ADAM18: variants seen among roughly 807,000 people sequenced by gnomAD.
ADAM18 encodes ADAM metallopeptidase domain 18.
A neutral mutation model predicts 94.4 loss-of-function variants in ADAM18; 117 were observed. The ratio of observed to expected loss-of-function variants is 1.24; its 90% confidence interval spans 1.07 to 1.45. The LOEUF (loss-of-function observed/expected upper bound fraction) is 1.45. ADAM18 is among the 40% of genes most tolerant of loss of function. The probability of loss-of-function intolerance (pLI) is 0.00; values close to 1 mark genes in which losing one functional copy is unlikely to be tolerated. For synonymous variants in ADAM18, 327 were observed against 291.6 expected (o/e 1.12, Z -1.24); for missense variants, 936 against 880.0 (o/e 1.06, Z -0.81).
chr8:39,631,423 T>C (rs1819927953), intron 7 of ADAM18, among the ~76,000 whole-genome samples: 1 of 151,976 alleles, frequency 6.6e-6, no homozygotes, highest in South Asian at 2.1e-4. Context: ...ATTCGCTCCA[T>C]CTCCACTTAC....
At chr8:39,682,960 A>G (rs189705556) in intron 16 of ADAM18, among the ~76,000 whole-genome samples, 162 of 152,304 alleles carry the variant, frequency 1.1e-3, no homozygotes, top group Middle Eastern at 3.4e-3. Flanking sequence ...CCAATATCTT[A>G]TCTTCTTCTG....
At chr8:39,691,134 A>G (rs1461986440) in intron 16 of ADAM18, among the ~76,000 whole-genome samples, 1 of 152,196 alleles carries the variant, frequency 6.6e-6, no homozygotes, top group Non-Finnish European at 1.5e-5. Context: ...ACACGCATAT[A>G]TTAAATCACT....
In ADAM18 at chr8:39,617,815, C is replaced by G. The variant is rs1413369936; in HGVS notation, c.522+7109C>G. Reference sequence around the variant, plus strand: ...GTACACATAGACACAAAGAAGGGAACAATAGACACTGGGCCTACTTGAGAA... The same window carrying G: ...GTACACATAGACACAAAGAAGGGAAGAATAGACACTGGGCCTACTTGAGAA... On this transcript the variant is annotated intron_variant, in intron 6 of 19. Transcript: ENST00000265707. Among the ~76,000 whole-genome samples, 4 of 145,380 alleles carry G rather than the reference C, an allele frequency of 2.8e-5. No homozygotes were observed. The East Asian group carries it at 6.8e-4, about 25-fold the overall frequency.
intron 10 of ADAM18, among the ~76,000 whole-genome samples, chr8:39,643,562 A>C (rs1431959047): frequency 6.6e-6 from 1 of 152,132 alleles, no homozygotes; most frequent in Admixed American, 6.6e-5. Context: ...ATCAACAGAA[A>C]TGTATTACTT....
chr8:39,639,419 T>G (rs574962320), intron 10 of ADAM18, among the ~76,000 whole-genome samples: 1 of 152,148 alleles, frequency 6.6e-6, no homozygotes, highest in Middle Eastern at 3.4e-3. Flanking sequence ...TATGTTCTTA[T>G]GAGTAGGAAT....
At chr8:39,650,043 T>G (rs916386293) in intron 12 of ADAM18, among the ~76,000 whole-genome samples, 1 of 152,218 alleles carries the variant, frequency 6.6e-6, no homozygotes, top group Non-Finnish European at 1.5e-5. Flanking sequence ...GAAATAATAT[T>G]TGATTTTTTA....
intron 18 of ADAM18, among the ~76,000 whole-genome samples, chr8:39,712,326 A>G (rs575493863): frequency 9.3e-4 from 142 of 152,318 alleles, no homozygotes; most frequent in Non-Finnish European, 1.7e-3. Flanking sequence ...ACAAATCCAC[A>G]GCCAATATCA....
intron 17 of ADAM18, among the ~76,000 whole-genome samples, chr8:39,702,658 G>T (rs1822117016): frequency 6.6e-6 from 1 of 152,070 alleles, no homozygotes; most frequent in Admixed American, 6.6e-5. Flanking sequence ...GTTGATTTTT[G>T]TATATGGTGT....
rs79236477 is a variant in ADAM18, at chr8:39,597,051, A to T, written c.133-9256A>T. On this transcript the variant is annotated intron_variant, in intron 2 of 19. Coordinates refer to ENST00000265707, the MANE Select transcript of ADAM18 (RefSeq NM_014237.3). Reference sequence around the variant, plus strand: ...CTATCAGGTCTCATGTTTGTTTGACATATGTCTTATTTGCTTGACATATAT... The same window carrying T: ...CTATCAGGTCTCATGTTTGTTTGACTTATGTCTTATTTGCTTGACATATAT... 5.9e-3 allele frequency among the ~76,000 whole-genome samples: 903 copies of T among 152,230 alleles called. 6 individuals are homozygous for T. The highest frequency in any genetic ancestry group is 0.02 in the African/African-American group (846 of 41,576).
At position 39,629,426 on chromosome 8, in the gene ADAM18, T is replaced by A; in HGVS notation, c.575T>A (p.Val192Glu). Residue 192 changes from valine to glutamate, a missense_variant, in exon 7 of 20, where the codon GTG (valine) becomes GAG (glutamate). Physicochemically the swap from Val to Glu is moderately radical, Grantham distance 121 (BLOSUM62 -2). Coordinates refer to ENST00000265707, the MANE Select transcript of ADAM18 (RefSeq NM_014237.3). Reference sequence around the variant, plus strand: ...CAATATCTGGAAATATACATTATAGTGGAAAAAGCTTTGGTAAGTATGCTT... The same window carrying A: ...CAATATCTGGAAATATACATTATAGAGGAAAAAGCTTTGGTAAGTATGCTT... ...LPQYLEIYII[V>E]EKALYDYMGS... 6.3e-7 allele frequency: 1 copy of A among 1,581,336 alleles called. No individual in the cohort carries two copies. Among genetic ancestry groups the A allele is most frequent in the Non-Finnish European group, 8.6e-7 (1 of 1,162,740 alleles).
At chr8:39,672,110 G>A (rs1821174044) in intron 14 of ADAM18, among the ~76,000 whole-genome samples, 1 of 152,112 alleles carries the variant, frequency 6.6e-6, no homozygotes, top group Admixed American at 6.5e-5. Flanking sequence ...TTAAATGACA[G>A]AATTGCCATA....
At chr8:39,620,418 A>C (rs1229659259) in intron 6 of ADAM18, among the ~76,000 whole-genome samples, 2 of 149,308 alleles carry the variant, frequency 1.3e-5, no homozygotes, top group African/African-American at 2.4e-5. Context: ...ATGTAAAAAA[A>C]AACCAACAAC....
At chr8:39,600,835 A>T (rs1030191897) in intron 2 of ADAM18, among the ~76,000 whole-genome samples, 1 of 152,232 alleles carries the variant, frequency 6.6e-6, no homozygotes, top group African/African-American at 2.4e-5. Context: ...TGAAGGCAGT[A>T]TGAAGTTACA....
intron 17 of ADAM18, among the ~76,000 whole-genome samples, chr8:39,703,589 G>T (rs534569009): frequency 1.3e-5 from 2 of 152,112 alleles, no homozygotes; most frequent in African/African-American, 2.4e-5. Context: ...TCCAGCTTTT[G>T]CCCGTTGATT....
At chr8:39,669,826 AC>A (rs1236497733) in intron 14 of ADAM18, among the ~76,000 whole-genome samples, 1 of 152,122 alleles carries the variant, frequency 6.6e-6, no homozygotes, top group Non-Finnish European at 1.5e-5. Context: ...TTGGGTATAT[AC>A]CCAGTAATGG....
chr8:39,705,677 T>A (rs1296978400), intron 17 of ADAM18, among the ~76,000 whole-genome samples: 1 of 152,178 alleles, frequency 6.6e-6, no homozygotes, highest in Non-Finnish European at 1.5e-5. Flanking sequence ...GGGCTATAAT[T>A]CAAACTCACT....
chr8:39,591,420 C>T (rs990810074), intron 2 of ADAM18, among the ~76,000 whole-genome samples: 3 of 152,158 alleles, frequency 2.0e-5, no homozygotes, highest in Admixed American at 6.6e-5. Flanking sequence ...ATTTTGTAAA[C>T]TCTTTTTTTG....
chr8:39,614,902 T>C (rs1819392821), intron 6 of ADAM18, among the ~76,000 whole-genome samples: 1 of 152,092 alleles, frequency 6.6e-6, no homozygotes. Context: ...AACAAGAAGA[T>C]TTAACTATCC....
intron 7 of ADAM18, among the ~76,000 whole-genome samples, chr8:39,635,600 A>G (rs150843024): frequency 6.6e-6 from 1 of 152,264 alleles, no homozygotes; most frequent in Non-Finnish European, 1.5e-5. Context: ...AAAATTTTTG[A>G]CATTTTTCCC....
Sources: allele counts gnomAD v4.1 joint callset (sites outside exome capture counted in the v4.1 genomes callset), GRCh38; gene constraint gnomAD v4.1.1; transcripts MANE v1.5; gene names NCBI Gene and HGNC (gene_info 2026-07-23, HGNC 2026-07-21).